The following GOLGA3 variants were observed in gnomAD, a reference collection of about 807,000 sequenced individuals.
GOLGA3 encodes golgin subfamily A member 3.
A neutral mutation model predicts 169.4 loss-of-function variants in GOLGA3; 75 were observed. That is an observed-to-expected ratio of 0.44 (90% CI 0.37 to 0.54). The LOEUF is 0.54. Ranked by LOEUF, GOLGA3 falls within the 20% of genes least tolerant of loss-of-function variation. The pLI is 0.00. For missense variants in GOLGA3, 1,899 were observed against 1,930.0 expected (o/e 0.98, Z 0.30); for synonymous variants, 824 against 822.4 (o/e 1.00, Z -0.03).
intron 2 of GOLGA3, 145 bp downstream of exon 2, chr12:132,821,851 C>T: frequency 2.0e-6 from 1 of 494,264 alleles, no homozygotes; most frequent in East Asian, 3.6e-5. Context: ...GAGACTCCGT[C>T]TCAAAAAAAA....
chr12:132,794,102 CT>C (rs1280839106), intron 11 of GOLGA3, among the ~76,000 whole-genome samples: 1 of 152,154 alleles, frequency 6.6e-6, no homozygotes, highest in African/African-American at 2.4e-5. Context: ...TCACCTGCCC[CT>C]GGTCCCACAG....
At chr12:132,774,356 T>A (rs761695574) in intron 22 of GOLGA3, 36 bp from the exon 23 acceptor site, 2 of 1,605,010 alleles carry the variant, frequency 1.2e-6, no homozygotes, top group East Asian at 4.5e-5. Context: ...TTTCCCACCG[T>A]CCCCTCCCTC....
intron 1 of GOLGA3, among the ~76,000 whole-genome samples, chr12:132,825,525 G>C (rs190932613): frequency 6.6e-6 from 1 of 152,346 alleles, no homozygotes; most frequent in Admixed American, 6.5e-5. Flanking sequence ...CTGCTACAAA[G>C]CTAATGGTTC....
At chr12:132,807,629 T>G (rs1949470825) in intron 5 of GOLGA3, among the ~76,000 whole-genome samples, 1 of 152,182 alleles carries the variant, frequency 6.6e-6, no homozygotes, top group Non-Finnish European at 1.5e-5. Context: ...TTGTTATGAA[T>G]TAAATGTTCA....
rs560512335 is a variant in GOLGA3 at position 132,780,645 on chromosome 12, C to G, written c.3582+153G>C. On this transcript the variant is annotated intron_variant, in intron 18 of 23. Transcript: ENST00000450791. ...TAACGCCACCTTCTACGGACCAGAG[C>G]AGGTGCTCTGCGGCCTCCGTCACCA... is the stretch of plus-strand genomic sequence containing the variant. 2.6e-3 allele frequency among the ~76,000 whole-genome samples: 391 copies of G among 152,360 alleles called. 1 individual carries two copies. The highest frequency in any genetic ancestry group is 3.3e-3 in the South Asian group (16 of 4,834).
intron 22 of GOLGA3, 55 bp downstream of exon 22, chr12:132,775,086 C>T: frequency 1.3e-6 from 2 of 1,517,320 alleles, no homozygotes; most frequent in Admixed American, 1.9e-5. Context: ...GCCTCCTGTC[C>T]GAGAGCATCT....
At chr12:132,810,842 C>A (rs1478239165) in intron 4 of GOLGA3, among the ~76,000 whole-genome samples, 1 of 152,244 alleles carries the variant, frequency 6.6e-6, no homozygotes, top group Non-Finnish European at 1.5e-5. Context: ...TATCCGGAGG[C>A]CTAACCATCA....
chr12:132,801,720 G>T, intron 8 of GOLGA3, 47 bp downstream of exon 8: 1 of 1,526,108 alleles, frequency 6.6e-7, no homozygotes, highest in Non-Finnish European at 9.0e-7. Flanking sequence ...CGTTCTACAT[G>T]AAGACAAGAA....
At position 132,808,059 on chromosome 12, in the gene GOLGA3, C is replaced by A. The variant is rs2136611746; in HGVS notation, c.1010G>T (p.Gly337Val). The A allele has an allele frequency of 6.3e-7, 1 of 1,599,786 alleles. No individual in the cohort carries two copies. The highest frequency in any genetic ancestry group is 8.5e-7 in the Non-Finnish European group (1 of 1,171,752). ...GTYGILSKTV[G>V]TQDTPYMVNG... ...GACCATATAGGGGGTGTCCTGCGTGCCCACTGTCTTCGACAGAATGCCATA... is the reference window on the plus strand; with the variant it reads ...GACCATATAGGGGGTGTCCTGCGTGACCACTGTCTTCGACAGAATGCCATA... The change falls in exon 5 of 24, where the codon GGC becomes GTC. Residue 337 changes from glycine to valine, a missense_variant. Physicochemically the swap from Gly to Val is moderately radical, Grantham distance 109. Transcript: ENST00000450791.
chr12:132,825,451 C>T (rs1208061460), intron 1 of GOLGA3, among the ~76,000 whole-genome samples: 1 of 152,224 alleles, frequency 6.6e-6, no homozygotes, highest in Admixed American at 6.5e-5. Flanking sequence ...TCCTAAAGTG[C>T]CAACACAGGT....
intron 21 of GOLGA3, among the ~76,000 whole-genome samples, chr12:132,776,152 CACA>C: frequency 1.1e-5 from 1 of 90,390 alleles, no homozygotes; most frequent in Admixed American, 1.0e-4. Flanking sequence ...GCACCTCATA[CACA>C]GGTACCTGCA....
chr12:132,826,468 C>G (rs529036240), intron 1 of GOLGA3, among the ~76,000 whole-genome samples: 19 of 152,042 alleles, frequency 1.2e-4, no homozygotes, highest in African/African-American at 4.1e-4. Context: ...CAAAGACGCT[C>G]AGGTTCCACC....
intron 6 of GOLGA3, 50 bp from the exon 7 acceptor site, chr12:132,805,072 C>T (rs1949324604): frequency 6.4e-7 from 1 of 1,564,540 alleles, no homozygotes; most frequent in Non-Finnish European, 8.6e-7. Context: ...GAGTCACTTC[C>T]ATCCAGTGTA....
chr12:132,806,492 G>A (rs1038698621), intron 6 of GOLGA3, among the ~76,000 whole-genome samples: 7 of 152,174 alleles, frequency 4.6e-5, no homozygotes, highest in African/African-American at 1.7e-4. Flanking sequence ...AACCATCTTC[G>A]ACATGAGGCG....
chr12:132,786,678 C>T lies in GOLGA3; in HGVS notation c.2906+15G>A, dbSNP rs2242294. The T allele has an allele frequency of 0.22, 334,566 of 1,555,586 alleles. 37,147 individuals carry two copies. Among genetic ancestry groups the T allele is most frequent in the Middle Eastern group, 0.3 (1,741 of 5,894 alleles). ...ACCTGGCCCCCGCACCTCCCCCGGGCACATGCAGACTTACTTCCGGGCCTC... is the reference window on the plus strand; with the variant it reads ...ACCTGGCCCCCGCACCTCCCCCGGGTACATGCAGACTTACTTCCGGGCCTC... On this transcript the variant is annotated intron_variant, in intron 14 of 23. Transcript: ENST00000450791.
chr12:132,819,907 C>T (rs1403395932), intron 2 of GOLGA3, among the ~76,000 whole-genome samples: 1 of 152,188 alleles, frequency 6.6e-6, no homozygotes, highest in Admixed American at 6.5e-5. Context: ...CAACAGGGCG[C>T]GGTGGCTCAC....
chr12:132,826,253 A>AAG lies in GOLGA3; in HGVS notation c.-184+2549_-184+2550insCT, dbSNP rs1555266098. The AAG allele has an allele frequency of 1.0e-2, 12,228 of 1,226,352 alleles. 10 individuals carry two copies. Among genetic ancestry groups the AAG allele is most frequent in the Non-Finnish European group, 0.012 (10,832 of 885,758 alleles). The allele number at this position is 1,226,352 out of a possible 1,614,324, so 76.0% of individuals were successfully genotyped here. A position where few individuals can be genotyped will look rare whatever the true frequency, so the allele number is the denominator to read the frequency against. On this transcript the variant is annotated intron_variant, in intron 1 of 23. Transcript: ENST00000450791. ...TTTCTCATTCTCCAAAAAAAAAAAA[A>AAG]AAAAAGAAACTGGAAGAGCAGCATC...
At chr12:132,788,453 G>A (rs545881446) in intron 13 of GOLGA3, among the ~76,000 whole-genome samples, 1 of 152,066 alleles carries the variant, frequency 6.6e-6, no homozygotes, top group Non-Finnish European at 1.5e-5. Context: ...TCCGTCCCCC[G>A]CCTCTACCCC....
intron 11 of GOLGA3, 49 bp from the exon 12 acceptor site, chr12:132,791,342 A>T (rs774775909): frequency 9.6e-7 from 1 of 1,036,368 alleles, no homozygotes; most frequent in Non-Finnish European, 1.5e-6. Context: ...CCAGGAGGGG[A>T]ATCTGTCTGC....
Sources: allele counts gnomAD v4.1 joint callset (sites outside exome capture counted in the v4.1 genomes callset), GRCh38; gene constraint gnomAD v4.1.1; transcripts MANE v1.5; gene names NCBI Gene and HGNC (gene_info 2026-07-23, HGNC 2026-07-21).